Variants in FHAD1 observed in about 807,000 individuals in gnomAD.
FHAD1 encodes the protein forkhead-associated domain-containing protein 1.
FHAD1 carries 146 observed loss-of-function variants against 191.3 expected under a neutral mutation model. The ratio of observed to expected loss-of-function variants is 0.76; its 90% CI spans 0.67 to 0.88. FHAD1 has a LOEUF of 0.88. Among genes scored for constraint, FHAD1 ranks in the 40% least tolerant of loss-of-function variants. The probability of loss-of-function intolerance (pLI) is 0.00; values close to 1 mark genes in which losing one functional copy is unlikely to be tolerated. For missense variants in FHAD1, 1,635 were observed against 1,785.8 expected, an observed-to-expected ratio of 0.92 and a Z score of 1.52; for synonymous variants, 616 against 672.3, an observed-to-expected ratio of 0.92 and a Z score of 1.29.
chr1:15,287,884 T>C (rs753411493), intron 3 of FHAD1, among the ~76,000 whole-genome samples: 2 of 152,216 alleles, frequency 1.3e-5, no homozygotes, highest in Admixed American at 1.3e-4. Context: ...GCTGGAGCTC[T>C]GATTTTGGAA....
intron 2 of FHAD1, among the ~76,000 whole-genome samples, chr1:15,259,958 G>A (rs966207663): frequency 1.3e-5 from 2 of 152,230 alleles, no homozygotes; most frequent in Admixed American, 6.5e-5. Context: ...GGCATGATGA[G>A]GGCTGGATGG....
intron 14 of FHAD1, among the ~76,000 whole-genome samples, chr1:15,338,645 C>T (rs767176748): frequency 1.3e-5 from 2 of 152,116 alleles, no homozygotes; most frequent in African/African-American, 2.4e-5. Context: ...TGTTCTGAAG[C>T]GCCCTCCCCC....
At chr1:15,323,651 G>T (rs1677129058) in intron 10 of FHAD1, among the ~76,000 whole-genome samples, 2 of 152,152 alleles carry the variant, frequency 1.3e-5, no homozygotes, top group African/African-American at 2.4e-5. Context: ...CTGAGCCCTG[G>T]CTCAGCAGAT....
rs548673698 is a variant in FHAD1, at chr1:15,312,609, C to A, written c.1040-448C>A. On this transcript the variant is annotated intron_variant, in intron 7 of 33. Transcript: ENST00000688493. This position sits in a 1 kb window ranked among gnomAD's most constrained non-coding sequence, Gnocchi z 4.7. The stretch of plus-strand genomic sequence containing the variant: ...TCCAGGAGGTCGAGGCTGTAGTGAA[C>A]CATGATCGTGCCACTGTACTCCAGC... Among the ~76,000 whole-genome samples the A allele has an allele frequency of 6.6e-6, 1 of 152,218 alleles. No individual in the cohort carries two copies. The highest frequency in any genetic ancestry group is 2.4e-5 in the African/African-American group (1 of 41,444).
chr1:15,338,516 C>T (rs1685183382), intron 14 of FHAD1, among the ~76,000 whole-genome samples: 1 of 152,206 alleles, frequency 6.6e-6, no homozygotes, highest in Non-Finnish European at 1.5e-5. Flanking sequence ...CACCCCATCT[C>T]GAAATCCTTA....
intron 2 of FHAD1, among the ~76,000 whole-genome samples, chr1:15,262,448 G>A (rs142380333): frequency 4.4e-4 from 67 of 152,284 alleles, no homozygotes; most frequent in African/African-American, 1.6e-3. Flanking sequence ...TAGGAAGTAG[G>A]AGAGCTAGAA....
At chr1:15,308,314 G>T (rs1205720924) in intron 6 of FHAD1, among the ~76,000 whole-genome samples, 1 of 152,234 alleles carries the variant, frequency 6.6e-6, no homozygotes, top group African/African-American at 2.4e-5. Flanking sequence ...GTTTATGGCT[G>T]AGAGTCCAAA....
At chr1:15,248,330 G>C (rs1279701385) in intron 1 of FHAD1, among the ~76,000 whole-genome samples, 1 of 152,082 alleles carries the variant, frequency 6.6e-6, no homozygotes, top group African/African-American at 2.4e-5. Flanking sequence ...GATGCTAGCA[G>C]AAGACCAGAG....
intron 3 of FHAD1, among the ~76,000 whole-genome samples, chr1:15,278,633 C>G (rs1659382221): frequency 6.6e-6 from 1 of 151,942 alleles, no homozygotes; most frequent in Non-Finnish European, 1.5e-5. Flanking sequence ...GCCACCATGC[C>G]CAGCTAATTT....
intron 1 of FHAD1, among the ~76,000 whole-genome samples, chr1:15,238,872 C>T (rs139374044): frequency 6.6e-6 from 1 of 152,300 alleles, no homozygotes; most frequent in African/African-American, 2.4e-5. Context: ...CCTGAGGCCA[C>T]CAGTAGGTCT....
chr1:15,379,226 G>A (rs1700342243), intron 28 of FHAD1, among the ~76,000 whole-genome samples: 1 of 152,244 alleles, frequency 6.6e-6, no homozygotes, highest in Non-Finnish European at 1.5e-5. Context: ...AGAGGGGGAT[G>A]TGTCAGGGTC....
At chr1:15,264,535 G>A (rs1288640084) in intron 2 of FHAD1, among the ~76,000 whole-genome samples, 1 of 143,912 alleles carries the variant, frequency 6.9e-6, no homozygotes, top group Non-Finnish European at 1.5e-5. Context: ...TGAATTCAGT[G>A]TTATATGTAT....
chr1:15,397,304 C>T lies in FHAD1; in HGVS notation c.4331C>T (p.Thr1444Ile), dbSNP rs1443233526. The T allele has an allele frequency of 5.9e-6, 9 of 1,517,632 alleles. No homozygotes were observed. The South Asian group carries it at 1.1e-4, about 19-fold the overall frequency. 94.0% of individuals were successfully genotyped at this position (1,517,632 alleles called of 1,614,324 possible). A position where few individuals can be genotyped will look rare whatever the true frequency, so the allele number is the denominator to read the frequency against. ...TTCTCTTGCTTGTTAAAGGTTGGAA[C>T]CAGAAAAGCCTCCCTAAAGATGGAC... ...RMQNSNSQVGTRKASLKMDQE... is the reference protein window; with the variant it reads ...RMQNSNSQVGIRKASLKMDQE... The change falls in exon 34 of 34, where the codon ACC becomes ATC. Residue 1444 changes from threonine (T) to isoleucine (I), a missense_variant. Thr to Ile is a moderately conservative substitution (Grantham distance 89). Transcript: ENST00000688493.
Position 15,381,965 on chromosome 1 carries a change from G to A in FHAD1, c.4023-63G>A. On this transcript the variant is annotated intron_variant, in intron 30 of 33. Coordinates refer to ENST00000688493, the MANE Select transcript of FHAD1 (RefSeq NM_001391957.1). This position sits in a 1 kb window ranked among gnomAD's most constrained non-coding sequence, Gnocchi z 4.6. Reference sequence around the variant, plus strand: ...GTATTTTGAGAGACTTCCGGGTCTGGCACATTGATGATGATTGGGAAAGAT... The same window carrying A: ...GTATTTTGAGAGACTTCCGGGTCTGACACATTGATGATGATTGGGAAAGAT... 2 of 1,523,088 alleles carry A rather than the reference G, an allele frequency of 1.3e-6. No individual in the cohort carries two copies. The highest frequency in any genetic ancestry group is 1.8e-6 in the Non-Finnish European group (2 of 1,126,506). 94.3% of individuals were successfully genotyped at this position (1,523,088 alleles called of 1,614,324 possible).
chr1:15,324,029 C>T (rs1365523067), intron 10 of FHAD1, among the ~76,000 whole-genome samples: 2 of 152,232 alleles, frequency 1.3e-5, no homozygotes, highest in African/African-American at 4.8e-5. Context: ...TAGGTCACAA[C>T]ATCTAACACA....
intron 15 of FHAD1, among the ~76,000 whole-genome samples, chr1:15,340,822 TA>T (rs1254561991): frequency 6.6e-6 from 1 of 152,174 alleles, no homozygotes; most frequent in East Asian, 1.9e-4. Flanking sequence ...TCTGCTATGG[TA>T]AAATGAAAGT....
At chr1:15,342,807 A>G (rs1228432528) in intron 16 of FHAD1, among the ~76,000 whole-genome samples, 1 of 150,498 alleles carries the variant, frequency 6.6e-6, no homozygotes, top group African/African-American at 2.5e-5. Context: ...CCACAGGCAT[A>G]TGGCACTACA....
chr1:15,296,889 T>A (rs929021282), intron 5 of FHAD1, 96 bp downstream of exon 5: 9 of 949,522 alleles, frequency 9.5e-6, no homozygotes, highest in South Asian at 1.7e-5. Flanking sequence ...GGAGTGCCCT[T>A]ATCCTGCTTC....
intron 5 of FHAD1, among the ~76,000 whole-genome samples, chr1:15,300,886 A>T (rs1668499602): frequency 6.6e-6 from 1 of 152,110 alleles, no homozygotes; most frequent in Non-Finnish European, 1.5e-5. Context: ...CTAGAGTGCA[A>T]TGGCATGGTC....
Sources: gnomAD v4.1 joint callset for allele counts (sites outside exome capture counted in the v4.1 genomes callset) on GRCh38, gnomAD v4.1.1 for gene constraint, Gnocchi (gnomAD v3.1) non-coding constraint, MANE v1.5 for transcripts, NCBI Gene and HGNC (gene_info 2026-07-23, HGNC 2026-07-21) for gene names.